AGBL4: variants seen among roughly 807,000 people sequenced by gnomAD.
AGBL4 encodes AGBL carboxypeptidase 4, also known as cytosolic carboxypeptidase 6.
Under a neutral mutation model 66.4 loss-of-function variants are expected in AGBL4, and 58 were observed. The ratio of observed to expected loss-of-function variants is 0.87; its 90% CI spans 0.71 to 1.09. The LOEUF is 1.09. Ranked by LOEUF, AGBL4 falls within the 50% of genes least tolerant of loss-of-function variation. AGBL4 has a pLI of 0.00. For missense variants in AGBL4, 579 were observed against 631.0 expected (o/e 0.92, Z 0.88); for synonymous variants, 234 against 222.9 (o/e 1.05, Z -0.44).
chr1:49,881,717 C>G (rs536714449), intron 1 of AGBL4, among the ~76,000 whole-genome samples: 2 of 151,066 alleles, frequency 1.3e-5, no homozygotes, highest in African/African-American at 4.9e-5. Flanking sequence ...GTCCCTCGCC[C>G]ACTTTTTGAT....
intron 3 of AGBL4, among the ~76,000 whole-genome samples, chr1:49,422,891 G>A (rs559520413): frequency 3.9e-5 from 6 of 152,058 alleles, no homozygotes; most frequent in Non-Finnish European, 7.4e-5. Context: ...GGGCAATACC[G>A]TGTGCTCTCT....
At chr1:48,929,228 A>T (rs1454431044) in intron 5 of AGBL4, among the ~76,000 whole-genome samples, 1 of 152,206 alleles carries the variant, frequency 6.6e-6, no homozygotes, top group Non-Finnish European at 1.5e-5. Flanking sequence ...TAAAAGATTA[A>T]AATGTATCCC....
At chr1:49,593,911 G>GA (rs1389303159) in intron 3 of AGBL4, among the ~76,000 whole-genome samples, 29 of 151,996 alleles carry the variant, frequency 1.9e-4, no homozygotes, top group Non-Finnish European at 7.4e-5. Flanking sequence ...TTAAAGCATT[G>GA]AAAAAAGGAA....
At chr1:48,826,562 G>T (rs11205551) in intron 6 of AGBL4, among the ~76,000 whole-genome samples, 49,827 of 152,054 alleles carry the variant, frequency 0.33, 8,592 homozygotes, top group East Asian at 0.71. Flanking sequence ...TGAACTTCAG[G>T]TTAAGAAAAT....
intron 4 of AGBL4, among the ~76,000 whole-genome samples, chr1:49,228,287 T>C (rs1341513588): frequency 6.6e-6 from 1 of 152,216 alleles, no homozygotes; most frequent in African/African-American, 2.4e-5. Flanking sequence ...TTTCTAACTT[T>C]GTGAAACTTA....
intron 5 of AGBL4, among the ~76,000 whole-genome samples, chr1:49,005,803 C>T (rs959121959): frequency 6.6e-5 from 10 of 152,068 alleles, no homozygotes; most frequent in Non-Finnish European, 1.2e-4. Context: ...GAGTTCAAGA[C>T]CAGCCTGACC....
intron 5 of AGBL4, among the ~76,000 whole-genome samples, chr1:48,880,267 T>G (rs1258365620): frequency 6.6e-6 from 1 of 152,194 alleles, no homozygotes; most frequent in Non-Finnish European, 1.5e-5. Context: ...GTCTCCAATC[T>G]TATCCAGGTC....
Position 49,744,054 on chromosome 1 carries a change from T to TA in AGBL4, c.158-46618dup, listed in dbSNP as rs199534512. Among the ~76,000 whole-genome samples the TA allele has an allele frequency of 1.1e-3, 161 of 147,950 alleles. 1 individual carries two copies. The highest frequency in any genetic ancestry group is 3.3e-3 in the African/African-American group (132 of 40,372). The stretch of plus-strand genomic sequence containing the variant: ...ATGTACCCTAAAACTTAAAGTATAA[T>TA]AAAAAAAAAAGATAGTCTTAGATAA... On this transcript the variant is annotated intron_variant, in intron 2 of 13. Transcript: ENST00000371839.
At chr1:48,562,992 C>T (rs1644419095) in intron 11 of AGBL4, among the ~76,000 whole-genome samples, 1 of 152,176 alleles carries the variant, frequency 6.6e-6, no homozygotes, top group African/African-American at 2.4e-5. Context: ...TCTTCTGTCC[C>T]ACTGGGTGAT....
At chr1:48,868,221 C>G (rs1447368844) in intron 5 of AGBL4, among the ~76,000 whole-genome samples, 1 of 152,188 alleles carries the variant, frequency 6.6e-6, no homozygotes, top group African/African-American at 2.4e-5. Context: ...ATTGCAGGAG[C>G]TTTCAATCAC....
chr1:48,733,272 G>A (rs1648449301), intron 6 of AGBL4, among the ~76,000 whole-genome samples: 1 of 152,116 alleles, frequency 6.6e-6, no homozygotes, highest in Non-Finnish European at 1.5e-5. Flanking sequence ...ATAACTGAAG[G>A]AACAAGGTAC....
Position 49,770,171 on chromosome 1 carries a change from G to A in AGBL4, c.158-72734C>T, listed in dbSNP as rs117884131. ...TAACATGGTGAAACCCCATCTGTAT[G>A]GCCGTTATCGTGATGAGGTACATAC... On this transcript the variant is annotated intron_variant, in intron 2 of 13. Transcript: ENST00000371839. 0.01 allele frequency among the ~76,000 whole-genome samples: 1,574 copies of A among 152,152 alleles called. 45 individuals are homozygous for A. In the East Asian group the frequency reaches 0.12, roughly 11 times the overall value.
intron 3 of AGBL4, among the ~76,000 whole-genome samples, chr1:49,264,547 T>C (rs762152220): frequency 6.6e-6 from 1 of 151,878 alleles, no homozygotes. Context: ...CAGCCTCCCA[T>C]AAGTTTTTTT....
chr1:49,878,416 T>C (rs1647095885), intron 1 of AGBL4, among the ~76,000 whole-genome samples: 1 of 151,572 alleles, frequency 6.6e-6, no homozygotes, highest in African/African-American at 2.4e-5. Context: ...TTTCGTTATG[T>C]ACCCAGTAGT....
chr1:48,529,800 C>T (rs145112708), downstream of AGBL4, among the ~76,000 whole-genome samples: 3 of 152,254 alleles, frequency 2.0e-5, no homozygotes, highest in Non-Finnish European at 4.4e-5. Context: ...ATGGGTCCAA[C>T]AACCCTGCTG....
chr1:49,549,306 C>T (rs1361270170), intron 3 of AGBL4, among the ~76,000 whole-genome samples: 1 of 149,826 alleles, frequency 6.7e-6, no homozygotes. Context: ...TGGTTATTTC[C>T]TTTTTTTCTG....
chr1:49,101,957 T>C (rs955499617), intron 4 of AGBL4, among the ~76,000 whole-genome samples: 9 of 152,176 alleles, frequency 5.9e-5, no homozygotes, highest in African/African-American at 1.7e-4. Context: ...CTATCTGATA[T>C]AGATCATAGA....
At chr1:49,109,951 C>G (rs2148017909) in intron 4 of AGBL4, among the ~76,000 whole-genome samples, 1 of 152,262 alleles carries the variant, frequency 6.6e-6, no homozygotes, top group Non-Finnish European at 1.5e-5. Flanking sequence ...TTTTCTCACT[C>G]CATTTCAGCT....
intron 4 of AGBL4, among the ~76,000 whole-genome samples, chr1:49,055,807 C>T (rs540400161): frequency 6.6e-6 from 1 of 151,978 alleles, no homozygotes; most frequent in Non-Finnish European, 1.5e-5. Context: ...ATTTTTAAAA[C>T]TAGATTTTGA....
Sources: allele counts gnomAD v4.1 joint callset (sites outside exome capture counted in the v4.1 genomes callset), GRCh38; gene constraint gnomAD v4.1.1; transcripts MANE v1.5; gene names NCBI Gene and HGNC (gene_info 2026-07-23, HGNC 2026-07-21).